AGBL4: variants seen among roughly 807,000 people sequenced by gnomAD.
AGBL4 encodes AGBL carboxypeptidase 4.
Under a neutral mutation model 66.4 loss-of-function variants are expected in AGBL4, and 58 were observed. That is an observed-to-expected ratio of 0.87 (90% CI 0.71 to 1.09). AGBL4 has a LOEUF of 1.09. Among genes scored for constraint, AGBL4 ranks in the 50% least tolerant of loss-of-function variants. The pLI is 0.00. For synonymous variants in AGBL4, 234 were observed against 222.9 expected (o/e 1.05, Z -0.44); for missense variants, 579 against 631.0 (o/e 0.92, Z 0.88).
At chr1:48,800,753 A>G (rs556054997) in intron 6 of AGBL4, among the ~76,000 whole-genome samples, 12 of 152,334 alleles carry the variant, frequency 7.9e-5, no homozygotes, top group South Asian at 2.1e-4. Context: ...CTTACCCAAA[A>G]TCATTCTGTT....
intron 11 of AGBL4, 128 bp from the exon 12 acceptor site, chr1:48,539,866 C>T (rs772795079): frequency 3.4e-5 from 18 of 535,252 alleles, no homozygotes; most frequent in African/African-American, 1.4e-4. Flanking sequence ...TTTTTGTATG[C>T]GCTGTCTTTT....
intron 1 of AGBL4, among the ~76,000 whole-genome samples, chr1:49,990,246 G>A (rs951118980): frequency 2.0e-5 from 3 of 152,124 alleles, no homozygotes; most frequent in Non-Finnish European, 4.4e-5. Context: ...TAGGCTTTCT[G>A]TCCCCACCCA....
chr1:48,936,994 A>C (rs1655534771), intron 5 of AGBL4, among the ~76,000 whole-genome samples: 2 of 152,180 alleles, frequency 1.3e-5, no homozygotes, highest in African/African-American at 4.8e-5. Context: ...AAAATACAAA[A>C]TATCACAACT....
intron 6 of AGBL4, among the ~76,000 whole-genome samples, chr1:48,724,038 G>A (rs1037816356): frequency 6.6e-6 from 1 of 152,170 alleles, no homozygotes; most frequent in Non-Finnish European, 1.5e-5. Context: ...GATGTCCAGA[G>A]AGCCAAAGGT....
chr1:48,899,652 T>C (rs1053399056), intron 5 of AGBL4, among the ~76,000 whole-genome samples: 1 of 152,080 alleles, frequency 6.6e-6, no homozygotes, highest in African/African-American at 2.4e-5. Flanking sequence ...ATGCATCAAC[T>C]CAGGCCTGCT....
chr1:48,769,684 T>C (rs1644715160), intron 6 of AGBL4, among the ~76,000 whole-genome samples: 1 of 152,196 alleles, frequency 6.6e-6, no homozygotes, highest in South Asian at 2.1e-4. Flanking sequence ...TCTCAGCACC[T>C]ATTAGTCCAC....
At chr1:49,706,179 G>A (rs1647213968) in intron 2 of AGBL4, among the ~76,000 whole-genome samples, 1 of 152,032 alleles carries the variant, frequency 6.6e-6, no homozygotes, top group Admixed American at 6.6e-5. Context: ...GTCTAGTCCT[G>A]GACTTTTGTT....
intron 4 of AGBL4, among the ~76,000 whole-genome samples, chr1:49,235,131 C>G (rs1198267535): frequency 1.3e-5 from 2 of 152,172 alleles, no homozygotes; most frequent in African/African-American, 2.4e-5. Context: ...GTCCCTTAGT[C>G]TCTTTGTGTG....
chr1:50,008,156 T>C (rs983032475), intron 1 of AGBL4, among the ~76,000 whole-genome samples: 1 of 152,216 alleles, frequency 6.6e-6, no homozygotes, highest in Non-Finnish European at 1.5e-5. Flanking sequence ...ATCTGCACTG[T>C]AGACCAAATG....
chr1:49,070,997 T>C (rs1383483500), intron 4 of AGBL4, among the ~76,000 whole-genome samples: 6 of 151,988 alleles, frequency 3.9e-5, no homozygotes, highest in Admixed American at 3.3e-4. Context: ...CAGGAATTTA[T>C]CCATTTCTTC....
At position 49,300,041 on chromosome 1, in the gene AGBL4, T is replaced by C. The variant is rs140095381; in HGVS notation, c.283-54177A>G. On this transcript the variant is annotated intron_variant, in intron 3 of 13. Transcript: ENST00000371839. ...TTAATTTGTTAATAGTTTGTTTCTA[T>C]ATTATTGAAAGATATTGGCATGCAA... 1.4e-3 allele frequency among the ~76,000 whole-genome samples: 215 copies of C among 152,330 alleles called. 1 individual carries two copies. The highest frequency in any genetic ancestry group is 6.8e-3 in the Middle Eastern group (2 of 294).
chr1:49,635,767 T>A (rs1445641166), intron 3 of AGBL4, among the ~76,000 whole-genome samples: 5 of 152,182 alleles, frequency 3.3e-5, no homozygotes, highest in Admixed American at 3.3e-4. Context: ...GGGAGAGAAC[T>A]CTCATACTGC....
intron 3 of AGBL4, among the ~76,000 whole-genome samples, chr1:49,435,096 C>T (rs539930179): frequency 6.6e-6 from 1 of 152,082 alleles, no homozygotes; most frequent in Non-Finnish European, 1.5e-5. Flanking sequence ...TACATCTTAC[C>T]GAACCTTATA....
intron 2 of AGBL4, among the ~76,000 whole-genome samples, chr1:49,727,769 T>C (rs1649142031): frequency 1.3e-5 from 2 of 152,134 alleles, no homozygotes; most frequent in African/African-American, 2.4e-5. Flanking sequence ...TAGAAGCCAA[T>C]AGTCCCTATC....
At chr1:49,873,873 G>T (rs1378230758) in intron 1 of AGBL4, among the ~76,000 whole-genome samples, 2 of 151,856 alleles carry the variant, frequency 1.3e-5, no homozygotes, top group Non-Finnish European at 2.9e-5. Context: ...GATTTTTTTT[G>T]TAGAAATCAA....
intron 5 of AGBL4, among the ~76,000 whole-genome samples, chr1:48,992,202 C>T (rs1660652490): frequency 6.6e-6 from 1 of 151,526 alleles, no homozygotes; most frequent in Non-Finnish European, 1.5e-5. Context: ...GTAGCCATAT[C>T]TGCATTAAGG....
At chr1:49,068,236 CTTTTCTT>C (rs1215950981) in intron 4 of AGBL4, among the ~76,000 whole-genome samples, 1 of 151,102 alleles carries the variant, frequency 6.6e-6, no homozygotes, top group Non-Finnish European at 1.5e-5. Flanking sequence ...CCCTTTTTCT[CTTTTCTT>C]TTTTTATTAT....
At chr1:49,029,183 A>G (rs946673893) in intron 5 of AGBL4, among the ~76,000 whole-genome samples, 8 of 152,174 alleles carry the variant, frequency 5.3e-5, no homozygotes, top group African/African-American at 1.9e-4. Flanking sequence ...TGCCACTTCT[A>G]TTTAACATTC....
At chr1:49,322,466 T>C (rs920386000) in intron 3 of AGBL4, among the ~76,000 whole-genome samples, 6 of 152,220 alleles carry the variant, frequency 3.9e-5, no homozygotes, top group Non-Finnish European at 8.8e-5. Flanking sequence ...TCCAAATCAC[T>C]GGAACTTGTG....
Sources: allele counts gnomAD v4.1 joint callset (sites outside exome capture counted in the v4.1 genomes callset), GRCh38; gene constraint gnomAD v4.1.1; transcripts MANE v1.5; gene names NCBI Gene and HGNC (gene_info 2026-07-23, HGNC 2026-07-21).